The following FAM135B variants were observed in gnomAD, a reference collection of about 807,000 sequenced individuals.
FAM135B encodes family with sequence similarity 135 member B.
A neutral mutation model predicts 127.7 loss-of-function variants in FAM135B; 43 were observed. The ratio of observed to expected loss-of-function variants is 0.34; its 90% CI spans 0.26 to 0.43. The LOEUF (loss-of-function observed/expected upper bound fraction) is 0.43, where lower values mean the gene tolerates loss of function less well. Among genes scored for constraint, FAM135B ranks in the 20% least tolerant of loss-of-function variants. The probability of loss-of-function intolerance (pLI) is 1.00; values close to 1 mark genes in which losing one functional copy is unlikely to be tolerated. For synonymous variants in FAM135B, 670 were observed against 665.1 expected, an observed-to-expected ratio of 1.01 and a Z score of -0.11; for missense variants, 1,558 against 1,725.6, an observed-to-expected ratio of 0.90 and a Z score of 1.72.
intron 9 of FAM135B, among the ~76,000 whole-genome samples, chr8:138,192,830 C>T (rs902196090): frequency 3.3e-5 from 5 of 152,180 alleles, no homozygotes; most frequent in African/African-American, 7.2e-5. Flanking sequence ...TTGCTATCCC[C>T]GTCTTGCTAA....
intron 10 of FAM135B, among the ~76,000 whole-genome samples, chr8:138,177,908 G>C (rs942582997): frequency 8.5e-5 from 13 of 152,170 alleles, no homozygotes; most frequent in Admixed American, 3.9e-4. Context: ...ATGTACCTAA[G>C]CTGGTGGCAG....
intron 7 of FAM135B, among the ~76,000 whole-genome samples, chr8:138,234,319 T>A (rs10097058): frequency 0.41 from 62,577 of 151,984 alleles, 13,252 homozygotes; most frequent in African/African-American, 0.47. Flanking sequence ...GCTTCTCAAA[T>A]TGCTAAAAAT....
chr8:138,329,507 GAAC>G (rs1265551359), intron 2 of FAM135B, among the ~76,000 whole-genome samples: 13 of 152,194 alleles, frequency 8.5e-5, no homozygotes, highest in Non-Finnish European at 1.5e-4. Flanking sequence ...TGTTCAGGCA[GAAC>G]AACAACAAAA....
chr8:138,456,003 G>A (rs931882708), intron 1 of FAM135B, among the ~76,000 whole-genome samples: 2 of 152,164 alleles, frequency 1.3e-5, no homozygotes, highest in African/African-American at 4.8e-5. Context: ...TCTCAAATGG[G>A]AAAAATAAAT....
intron 10 of FAM135B, among the ~76,000 whole-genome samples, chr8:138,178,234 C>T (rs990359227): frequency 2.0e-5 from 3 of 146,646 alleles, no homozygotes; most frequent in East Asian, 2.0e-4. Context: ...GGTGACAGAG[C>T]GAGACACCAT....
At chr8:138,391,034 G>A (rs1285202981) in intron 1 of FAM135B, among the ~76,000 whole-genome samples, 1 of 152,162 alleles carries the variant, frequency 6.6e-6, no homozygotes, top group Admixed American at 6.5e-5. Flanking sequence ...AAGAATGGGA[G>A]TATTCAGGGC....
At chr8:138,475,484 C>G (rs925189519) in intron 1 of FAM135B, among the ~76,000 whole-genome samples, 4 of 152,132 alleles carry the variant, frequency 2.6e-5, no homozygotes, top group Non-Finnish European at 5.9e-5. Flanking sequence ...CTCCATTCTC[C>G]CATGTCTGCA....
chr8:138,362,593 A>G (rs1830498616), intron 2 of FAM135B, among the ~76,000 whole-genome samples: 1 of 152,096 alleles, frequency 6.6e-6, no homozygotes, highest in Admixed American at 6.5e-5. Context: ...TGGGCAAAAA[A>G]CTTAGCTTGA....
chr8:138,223,811 T>C (rs58242970), intron 7 of FAM135B, among the ~76,000 whole-genome samples: 17,228 of 152,124 alleles, frequency 0.11, 1,106 homozygotes, highest in Admixed American at 0.12. Context: ...ATGGATTAGA[T>C]AAACAACATG....
At chr8:138,327,656 C>T (rs941892413) in intron 2 of FAM135B, among the ~76,000 whole-genome samples, 3 of 152,166 alleles carry the variant, frequency 2.0e-5, no homozygotes, top group African/African-American at 4.8e-5. Flanking sequence ...GAGGACAAGG[C>T]ACCAAAACAG....
At chr8:138,139,462 T>C (rs1816938129) in intron 17 of FAM135B, among the ~76,000 whole-genome samples, 1 of 152,182 alleles carries the variant, frequency 6.6e-6, no homozygotes, top group Non-Finnish European at 1.5e-5. Context: ...AAAGCTAAAA[T>C]AAATGTCTCA....
intron 2 of FAM135B, among the ~76,000 whole-genome samples, chr8:138,348,815 C>A (rs1484548551): frequency 6.6e-6 from 1 of 152,222 alleles, no homozygotes; most frequent in African/African-American, 2.4e-5. Context: ...GACTCATCTC[C>A]AATTCATTTA....
In FAM135B at chr8:138,168,052, G is replaced by C. The variant is rs2130903996; in HGVS notation, c.1104-3C>G. Reference sequence around the variant, plus strand: ...ACAGCTGGCTGTGCGTCTGTATCCTGGGGAGCACATGGCAGGGTGAGCGTC... The same window carrying C: ...ACAGCTGGCTGTGCGTCTGTATCCTCGGGAGCACATGGCAGGGTGAGCGTC... On this transcript the variant is annotated splice_region_variant and splice_polypyrimidine_tract_variant and intron_variant, in intron 11 of 19. Transcript: ENST00000395297. The C allele has an allele frequency of 6.2e-7, 1 of 1,609,946 alleles. No individual in the cohort carries two copies. Among genetic ancestry groups the C allele is most frequent in the Non-Finnish European group, 8.5e-7 (1 of 1,178,020 alleles).
intron 2 of FAM135B, among the ~76,000 whole-genome samples, chr8:138,363,182 T>C (rs1232583018): frequency 1.3e-5 from 2 of 152,150 alleles, no homozygotes; most frequent in East Asian, 3.8e-4. Context: ...ACAACCTTTT[T>C]GGGTAGTAAC....
At chr8:138,482,950 A>G (rs1814843985) in intron 1 of FAM135B, among the ~76,000 whole-genome samples, 1 of 152,168 alleles carries the variant, frequency 6.6e-6, no homozygotes, top group Non-Finnish European at 1.5e-5. Context: ...CTACCCAAGA[A>G]TTCATTTAAT....
chr8:138,242,423 A>G lies in FAM135B; in HGVS notation c.669+519T>C, dbSNP rs1000343957. ...ATAAAAGAACAAGGGGAAGGACAGG[A>G]TATGCATATTTAGTTAGCAGCTAGT... On this transcript the variant is annotated intron_variant, in intron 7 of 19. Transcript: ENST00000395297. The surrounding 1 kb of genome is among the most constrained non-coding windows in gnomAD (Gnocchi z 9.6). 2.0e-5 allele frequency among the ~76,000 whole-genome samples: 3 copies of G among 152,082 alleles called. No individual in the cohort carries two copies. The highest frequency in any genetic ancestry group is 4.4e-5 in the Non-Finnish European group (3 of 68,020).
intron 1 of FAM135B, among the ~76,000 whole-genome samples, chr8:138,457,214 G>A (rs1391438886): frequency 6.6e-6 from 1 of 152,118 alleles, no homozygotes; most frequent in African/African-American, 2.4e-5. Flanking sequence ...CACAGAGGGA[G>A]GGAAGGGTGT....
chr8:138,370,412 G>A (rs1016941726), intron 1 of FAM135B, among the ~76,000 whole-genome samples: 5 of 152,040 alleles, frequency 3.3e-5, no homozygotes, highest in Non-Finnish European at 5.9e-5. Context: ...ATGCAGTGAG[G>A]AAGATGAGTT....
intron 7 of FAM135B, among the ~76,000 whole-genome samples, chr8:138,237,246 C>T (rs1480889550): frequency 2.6e-5 from 4 of 151,260 alleles, no homozygotes; most frequent in African/African-American, 7.3e-5. Flanking sequence ...CTGCAACCTC[C>T]GCCTCCAGGG....
Sources: allele counts gnomAD v4.1 joint callset (sites outside exome capture counted in the v4.1 genomes callset), GRCh38; gene constraint gnomAD v4.1.1; non-coding constraint Gnocchi (gnomAD v3.1); transcripts MANE v1.5; gene names NCBI Gene and HGNC (gene_info 2026-07-23, HGNC 2026-07-21).